NPAS1: variants seen among roughly 807,000 people sequenced by gnomAD.
NPAS1 encodes neuronal PAS domain-containing protein 1.
A neutral mutation model predicts 49.2 loss-of-function variants in NPAS1; 29 were observed. The ratio of observed to expected loss-of-function variants is 0.59; its 90% CI spans 0.44 to 0.80. NPAS1 has a LOEUF of 0.80. Among genes scored for constraint, NPAS1 ranks in the 30% least tolerant of loss-of-function variants. The pLI is 0.00. For missense variants in NPAS1, 825 were observed against 835.5 expected, an observed-to-expected ratio of 0.99 and a Z score of 0.15; for synonymous variants, 408 against 380.4, an observed-to-expected ratio of 1.07 and a Z score of -0.84.
In NPAS1 at chr19:47,037,434, CTG is replaced by C. The variant is rs951374751; in HGVS notation, c.688+1306_688+1307del. 4.1e-4 allele frequency among the ~76,000 whole-genome samples: 60 copies of C among 147,534 alleles called. 1 individual carries two copies. The highest frequency in any genetic ancestry group is 1.5e-3 in the African/African-American group (60 of 39,860). ...GTTATCTCCATTTTACATCAGAAAA[CTG>C]AGGCACGGCGCGGAGAGGTTAAGTT... On this transcript the variant is annotated intron_variant, in intron 6 of 11. Transcript: ENST00000602212.
chr19:47,040,580 C>G (rs375714235), intron 9 of NPAS1, 30 bp downstream of exon 9: 1 of 1,458,428 alleles, frequency 6.9e-7, no homozygotes, highest in East Asian at 2.4e-5. Context: ...ACCAAGCCTG[C>G]CTACCACCCC....
intron 3 of NPAS1, among the ~76,000 whole-genome samples, chr19:47,024,964 C>T (rs564978043): frequency 4.3e-4 from 65 of 151,734 alleles, no homozygotes; most frequent in Admixed American, 3.2e-3. Context: ...CGCCTGCCAC[C>T]GCGCCTGGCT....
At chr19:47,023,029 G>A (rs1002656047) in intron 3 of NPAS1, among the ~76,000 whole-genome samples, 3 of 152,312 alleles carry the variant, frequency 2.0e-5, no homozygotes, top group East Asian at 1.9e-4. Context: ...GGGGTTGGAG[G>A]GGCTCCAATT....
Position 47,041,124 on chromosome 19 carries a change from AGGTGAG to A in NPAS1, c.1217+2_1217+7del. On this transcript the variant is annotated splice_donor_variant and splice_donor_5th_base_variant and coding_sequence_variant and intron_variant, in exon 10 of 12. Coordinates refer to ENST00000602212, the MANE Select transcript of NPAS1 (RefSeq NM_002517.4). LOFTEE classifies it high-confidence loss of function. ...TGTGCTTTGGGTCAGCCACGTGCTC[AGGTGAG>A]GGCTGTGCCCACCCCTCCTGCAGGG... The A allele has an allele frequency of 6.3e-7, 1 of 1,580,464 alleles. No individual in the cohort carries two copies. The highest frequency in any genetic ancestry group is 8.6e-7 in the Non-Finnish European group (1 of 1,169,188).
At chr19:47,026,100 A>G (rs909033880) in intron 3 of NPAS1, among the ~76,000 whole-genome samples, 5 of 152,068 alleles carry the variant, frequency 3.3e-5, no homozygotes, top group South Asian at 4.2e-4. Flanking sequence ...CACCATGCCC[A>G]GCTAATTTTT....
intron 6 of NPAS1, 133 bp downstream of exon 6, chr19:47,036,262 G>C: frequency 2.0e-6 from 2 of 978,008 alleles, no homozygotes; most frequent in Non-Finnish European, 3.0e-6. Flanking sequence ...CTTTGCAAAA[G>C]GAATCGGAGT....
At chr19:47,031,264 T>C (rs1051151939) in intron 3 of NPAS1, among the ~76,000 whole-genome samples, 5 of 150,886 alleles carry the variant, frequency 3.3e-5, no homozygotes, top group African/African-American at 1.2e-4. Context: ...AGTGGCGCGA[T>C]CTTGACTCAC....
Position 47,042,856 on chromosome 19 carries a change from G to C in NPAS1, c.1264G>C (p.Ala422Pro). The C allele has an allele frequency of 1.2e-6, 2 of 1,606,220 alleles. No homozygotes were observed. Among genetic ancestry groups the C allele is most frequent in the Non-Finnish European group, 8.5e-7 (1 of 1,176,570 alleles). The change falls in exon 11 of 12, where the codon GCC becomes CCC. Residue 422 changes from alanine to proline, a missense_variant. By Grantham distance (27) the Ala-to-Pro change is conservative (BLOSUM62 -1). Coordinates refer to ENST00000602212, the MANE Select transcript of NPAS1 (RefSeq NM_002517.4). ...TCCTTTGGATGCCTTCCAGCTTCCA[G>C]CCAGCGTGGCCTGTGAGGAGGCATC... ...QTPLDAFQLP[A>P]SVACEEASSP...
At position 47,021,592 on chromosome 19, in the gene NPAS1, C is replaced by A; in HGVS notation, c.123-20C>A. Reference sequence around the variant, plus strand: ...GAGCCCCGGGGCCCCGCCGACACCTCCTCCGCGCCGCCCGCCCAGCCTGCA... The same window carrying A: ...GAGCCCCGGGGCCCCGCCGACACCTACTCCGCGCCGCCCGCCCAGCCTGCA... On this transcript the variant is annotated intron_variant, in intron 2 of 11. Transcript: ENST00000602212. This position sits in a 1 kb window ranked among gnomAD's most constrained non-coding sequence, Gnocchi z 5.7. 6.9e-7 allele frequency: 1 copy of A among 1,453,176 alleles called. No homozygotes were observed. The highest frequency in any genetic ancestry group is 9.1e-7 in the Non-Finnish European group (1 of 1,102,502). The allele number at this position is 1,453,176 out of a possible 1,614,324, so 90.0% of individuals were successfully genotyped here.
At chr19:47,043,457 C>A (rs1370611298) in intron 11 of NPAS1, among the ~76,000 whole-genome samples, 1 of 151,126 alleles carries the variant, frequency 6.6e-6, no homozygotes, top group Admixed American at 6.6e-5. Context: ...GGACATGGTG[C>A]CATGCTCCTG....
chr19:47,039,487 G>A lies in NPAS1; in HGVS notation c.885G>A (p.Leu295=), dbSNP rs998980405. 5 of 1,611,084 alleles carry A rather than the reference G, an allele frequency of 3.1e-6. No individual in the cohort carries two copies. The Admixed American group carries it at 8.4e-5, about 27-fold the overall frequency. Residue 295 remains leucine, a synonymous_variant, in exon 8 of 12, where the codon CTG becomes CTA. Coordinates refer to ENST00000602212, the MANE Select transcript of NPAS1 (RefSeq NM_002517.4). The part of the protein sequence containing the change: ...ALGHTLPPAP[L]AELPLHGHMI... Reference sequence around the variant, plus strand: ...GGCACACGTTGCCCCCGGCCCCCCTGGCTGAGCTGCCACTCCATGGACACA... The same window carrying A: ...GGCACACGTTGCCCCCGGCCCCCCTAGCTGAGCTGCCACTCCATGGACACA...
At chr19:47,043,182 G>A (rs185893009) in intron 11 of NPAS1, among the ~76,000 whole-genome samples, 50 of 144,164 alleles carry the variant, frequency 3.5e-4, no homozygotes, top group Middle Eastern at 7.7e-3. Context: ...TGTAATCCCA[G>A]CTACTTGAAA....
At position 47,041,064 on chromosome 19, in the gene NPAS1, G is replaced by A. The variant is rs2057016172; in HGVS notation, c.1156G>A (p.Val386Met). 11 of 1,595,536 alleles carry A rather than the reference G, an allele frequency of 6.9e-6. No individual in the cohort carries two copies. Among genetic ancestry groups the A allele is most frequent in the African/African-American group, 1.3e-5 (1 of 74,694 alleles). ...CGTGTGGCTGCAGTCTGTGGCCACA[G>A]TGGCTGGGAGCGGGAAGAGCCCCGG... ...GFVWLQSVAT[V>M]AGSGKSPGEH... is the part of the protein sequence containing the mutation. The change falls in exon 10 of 12, where the codon GTG becomes ATG. Residue 386 changes from valine to methionine, a missense_variant. Val to Met is a conservative substitution (Grantham distance 21). Coordinates refer to ENST00000602212, the MANE Select transcript of NPAS1 (RefSeq NM_002517.4).
chr19:47,042,723 A>C, intron 10 of NPAS1, 87 bp from the exon 11 acceptor site: 1 of 1,106,574 alleles, frequency 9.0e-7, no homozygotes, highest in East Asian at 2.9e-5. Flanking sequence ...GGGAGTGTCC[A>C]CACATTGCCA....
intron 4 of NPAS1, 23 bp downstream of exon 4, chr19:47,032,374 C>T: frequency 1.2e-6 from 2 of 1,611,792 alleles, no homozygotes; most frequent in Non-Finnish European, 1.7e-6. Flanking sequence ...CCTTCCCTGC[C>T]TGCCGCTCCT....
Position 47,020,990 on chromosome 19 carries a change from C to T in NPAS1, c.-42-16C>T. 6.7e-7 allele frequency: 1 copy of T among 1,497,224 alleles called. No homozygotes were observed. The highest frequency in any genetic ancestry group is 9.0e-7 in the Non-Finnish European group (1 of 1,115,564). 92.7% of individuals were successfully genotyped at this position (1,497,224 alleles called of 1,614,324 possible). ...CGAGGGCACTAAGCGTTGCCCCTGG[C>T]CCCCTCCCGCTGCAGGAGACTCGGG... On this transcript the variant is annotated splice_polypyrimidine_tract_variant and intron_variant, in intron 1 of 11. Transcript: ENST00000602212.
At position 47,021,479 on chromosome 19, in the gene NPAS1, C is replaced by T; in HGVS notation, c.123-133C>T. On this transcript the variant is annotated intron_variant, in intron 2 of 11. Transcript: ENST00000602212. This position sits in a 1 kb window ranked among gnomAD's most constrained non-coding sequence, Gnocchi z 5.7. Reference sequence around the variant, plus strand: ...AAATCCACACTCCGGTCTGCTCCCACCTCCAGAGATGTGGAATCCACTCCC... The same window carrying T: ...AAATCCACACTCCGGTCTGCTCCCATCTCCAGAGATGTGGAATCCACTCCC... 1.6e-6 allele frequency: 1 copy of T among 616,896 alleles called. No individual in the cohort carries two copies. The highest frequency in any genetic ancestry group is 3.2e-5 in the East Asian group (1 of 31,376). 38.2% of individuals were successfully genotyped at this position (616,896 alleles called of 1,614,324 possible). A position where few individuals can be genotyped will look rare whatever the true frequency, so the allele number is the denominator to read the frequency against.
intron 3 of NPAS1, among the ~76,000 whole-genome samples, chr19:47,023,500 G>A (rs2056854317): frequency 6.6e-6 from 1 of 152,136 alleles, no homozygotes; most frequent in South Asian, 2.1e-4. Context: ...CTGGGAAATC[G>A]GGGGACAGAG....
chr19:47,040,740 G>C, intron 9 of NPAS1, 190 bp downstream of exon 9: 2 of 572,812 alleles, frequency 3.5e-6, no homozygotes, highest in African/African-American at 1.9e-5. Context: ...TGTGTGTGTG[G>C]GGGGGGGGTC....
Sources: allele counts gnomAD v4.1 joint callset (sites outside exome capture counted in the v4.1 genomes callset), GRCh38; gene constraint gnomAD v4.1.1; non-coding constraint Gnocchi (gnomAD v3.1); transcripts MANE v1.5; gene names NCBI Gene and HGNC (gene_info 2026-07-23, HGNC 2026-07-21).